CRACR2A: variants seen among roughly 807,000 people sequenced by gnomAD.
The protein encoded by CRACR2A is calcium release activated channel regulator 2A.
CRACR2A carries 79 observed loss-of-function variants against 90.5 expected under a neutral mutation model. The ratio of observed to expected loss-of-function variants is 0.87; its 90% confidence interval spans 0.73 to 1.05. CRACR2A has a LOEUF of 1.05. Among genes scored for constraint, CRACR2A ranks in the 50% least tolerant of loss-of-function variants. The pLI is 0.00. For missense variants in CRACR2A, 823 were observed against 897.2 expected (o/e 0.92, Z 1.06); for synonymous variants, 338 against 356.7 (o/e 0.95, Z 0.59).
intron 4 of CRACR2A, among the ~76,000 whole-genome samples, chr12:3,688,679 T>G (rs905251815): frequency 1.3e-5 from 2 of 152,244 alleles, no homozygotes; most frequent in African/African-American, 4.8e-5. Context: ...TGAGCTCTTT[T>G]GGTTCCATAT....
rs568991035 is a variant in CRACR2A, at chr12:3,679,983, G to A, written c.340+255C>T. On this transcript the variant is annotated intron_variant, in intron 5 of 19. Transcript: ENST00000440314. ...TGCAGAGCTTCCGTCCATCTCCCTT[G>A]CCAGTCCCAGTGGGAGGGAGCTTGG... 7.9e-5 allele frequency among the ~76,000 whole-genome samples: 12 copies of A among 152,274 alleles called. No homozygotes were observed. In the East Asian group the frequency reaches 2.3e-3, roughly 29 times the overall value.
In CRACR2A at chr12:3,673,087, C is replaced by T. The variant is rs1013103286; in HGVS notation, c.671+359G>A. ...CAGTCCTGGCTCTACTGTTCACAAG[C>T]TATGCCTTCTGGGGTGTACTACTTA... On this transcript the variant is annotated intron_variant, in intron 7 of 19. Coordinates refer to ENST00000440314, the MANE Select transcript of CRACR2A (RefSeq NM_001144958.2). Among the ~76,000 whole-genome samples, 4 of 152,204 alleles carry T rather than the reference C, an allele frequency of 2.6e-5. No individual in the cohort carries two copies. The East Asian group carries it at 5.8e-4, about 22-fold the overall frequency.
At chr12:3,628,153 TCCC>T (rs1051517295) in intron 15 of CRACR2A, among the ~76,000 whole-genome samples, 4 of 137,356 alleles carry the variant, frequency 2.9e-5, no homozygotes, top group Non-Finnish European at 6.3e-5. Flanking sequence ...TCCCTCCCTC[TCCC>T]CCAACTCTCT....
At chr12:3,678,383 G>T (rs1451391162) in intron 6 of CRACR2A, among the ~76,000 whole-genome samples, 1 of 152,152 alleles carries the variant, frequency 6.6e-6, no homozygotes, top group African/African-American at 2.4e-5. Flanking sequence ...TCCTGCACAA[G>T]CCTGGTTTGC....
chr12:3,680,142 T>C (rs929512003), intron 5 of CRACR2A, 96 bp downstream of exon 5: 11 of 989,522 alleles, frequency 1.1e-5, no homozygotes, highest in Non-Finnish European at 1.7e-5. Flanking sequence ...AAAGCTTTAC[T>C]ACCTGCCCCC....
At chr12:3,676,694 C>A (rs1291140109) in intron 6 of CRACR2A, among the ~76,000 whole-genome samples, 1 of 152,094 alleles carries the variant, frequency 6.6e-6, no homozygotes, top group Non-Finnish European at 1.5e-5. Flanking sequence ...TCCTAGCTTC[C>A]AGAACTGCCA....
At chr12:3,682,218 G>A (rs1287903033) in intron 4 of CRACR2A, among the ~76,000 whole-genome samples, 2 of 152,166 alleles carry the variant, frequency 1.3e-5, no homozygotes, top group Non-Finnish European at 2.9e-5. Context: ...CCTCAGACTA[G>A]GATTGCTGGA....
At position 3,678,922 on chromosome 12, in the gene CRACR2A, A is replaced by G. The variant is rs551733558; in HGVS notation, c.517T>C (p.Leu173=). Residue 173 remains leucine, a synonymous_variant, in exon 6 of 20, where the codon TTG becomes CTG. Transcript: ENST00000440314. The part of the protein sequence containing the change: ...LMDRLGAQKV[L]EDESDVKQLW... ...ATCACTGTCACCACTTACTCTTCCA[A>G]CACCTTTTGGGCTCCAAGTCTGTCC... is the stretch of plus-strand genomic sequence containing the variant. The G allele has an allele frequency of 1.1e-4, 179 of 1,606,446 alleles. 4 individuals are homozygous for G. The South Asian group carries it at 1.9e-3, about 17-fold the overall frequency.
chr12:3,695,723 T>A (rs1945728573), intron 4 of CRACR2A, among the ~76,000 whole-genome samples: 1 of 152,210 alleles, frequency 6.6e-6, no homozygotes, highest in African/African-American at 2.4e-5. Flanking sequence ...AGCACAGGGA[T>A]GCGTCCCTTC....
intron 2 of CRACR2A, among the ~76,000 whole-genome samples, chr12:3,724,411 T>C (rs560794474): frequency 6.6e-6 from 1 of 152,208 alleles, no homozygotes; most frequent in African/African-American, 2.4e-5. Flanking sequence ...TTGCAGAAAG[T>C]AGGGCATGGA....
intron 4 of CRACR2A, among the ~76,000 whole-genome samples, chr12:3,687,082 C>T (rs926067996): frequency 2.0e-5 from 3 of 152,102 alleles, no homozygotes; most frequent in Middle Eastern, 3.2e-3. Flanking sequence ...ATGGCAGTCT[C>T]CCCACCCCTT....
chr12:3,618,057 G>A (rs1565458832), intron 18 of CRACR2A, among the ~76,000 whole-genome samples: 1 of 152,042 alleles, frequency 6.6e-6, no homozygotes, highest in Non-Finnish European at 1.5e-5. Context: ...ATAGGACTTA[G>A]AACTGGAAGA....
At chr12:3,647,893 C>T in intron 11 of CRACR2A, 1 of 985,448 alleles carries the variant, frequency 1.0e-6, no homozygotes, top group Non-Finnish European at 1.2e-6. Flanking sequence ...TTCCATCTTT[C>T]CCCACACGGG....
intron 15 of CRACR2A, among the ~76,000 whole-genome samples, chr12:3,630,309 C>T (rs922406553): frequency 2.0e-5 from 3 of 152,134 alleles, no homozygotes; most frequent in East Asian, 1.9e-4. Context: ...GCTGGGCTGA[C>T]GGTTGCCAGG....
intron 17 of CRACR2A, among the ~76,000 whole-genome samples, chr12:3,621,204 C>T (rs891426759): frequency 2.0e-5 from 3 of 152,132 alleles, no homozygotes; most frequent in Admixed American, 6.5e-5. Context: ...GGGCAGAATT[C>T]TACCCCAGGT....
chr12:3,693,962 T>A (rs1330753915), intron 4 of CRACR2A, among the ~76,000 whole-genome samples: 1 of 152,158 alleles, frequency 6.6e-6, no homozygotes, highest in Non-Finnish European at 1.5e-5. Flanking sequence ...AGGGGTCTCC[T>A]CCTGCTGGGT....
chr12:3,740,692 C>T (rs1221734447), intron 1 of CRACR2A, among the ~76,000 whole-genome samples: 1 of 152,172 alleles, frequency 6.6e-6, no homozygotes, highest in Non-Finnish European at 1.5e-5. Flanking sequence ...ACACCTTCAT[C>T]AACAGAGAGA....
intron 1 of CRACR2A, among the ~76,000 whole-genome samples, chr12:3,745,825 T>TAAAATAAAATAAAATAAAAAAG: frequency 9.9e-6 from 1 of 100,534 alleles, no homozygotes; most frequent in African/African-American, 4.0e-5. Context: ...TAAAATAAAA[T>TAAAATAAAATAAAATAAAAAAG]AAAGAAAGAA....
At chr12:3,743,884 G>A (rs140578495) in intron 1 of CRACR2A, among the ~76,000 whole-genome samples, 1,652 of 152,290 alleles carry the variant, frequency 0.011, 17 homozygotes, top group Middle Eastern at 0.02. Context: ...GGGTAATGAC[G>A]AGCAATAGGA....
Sources: gnomAD v4.1 joint callset for allele counts (sites outside exome capture counted in the v4.1 genomes callset) on GRCh38, gnomAD v4.1.1 for gene constraint, MANE v1.5 for transcripts, NCBI Gene and HGNC (gene_info 2026-07-23, HGNC 2026-07-21) for gene names.